The following ADGRL3 variants were observed in gnomAD, a reference collection of about 807,000 sequenced individuals.
ADGRL3 encodes calcium-independent alpha-latrotoxin receptor 3.
ADGRL3 carries 62 observed loss-of-function variants against 153.5 expected under a neutral mutation model. That is an observed-to-expected ratio of 0.40 (90% confidence interval 0.33 to 0.50). The LOEUF is 0.50. Ranked by LOEUF, ADGRL3 falls within the 20% of genes least tolerant of loss-of-function variation. The pLI is 0.47. For synonymous variants in ADGRL3, 710 were observed against 672.5 expected (o/e 1.06, Z -0.86); for missense variants, 1,641 against 1,859.4 (o/e 0.88, Z 2.16).
intron 1 of ADGRL3, among the ~76,000 whole-genome samples, chr4:61,221,092 C>T (rs1383458330): frequency 6.6e-6 from 1 of 152,140 alleles, no homozygotes; most frequent in Non-Finnish European, 1.5e-5. Context: ...CAAAGAATTA[C>T]TGTGACAGAG....
At chr4:61,827,647 G>A (rs1319803433) in intron 9 of ADGRL3, among the ~76,000 whole-genome samples, 1 of 152,112 alleles carries the variant, frequency 6.6e-6, no homozygotes, top group East Asian at 1.9e-4. Flanking sequence ...CAGTAGCAAT[G>A]GAAATAAAGA....
At chr4:61,511,462 T>C (rs906146494) in intron 3 of ADGRL3, among the ~76,000 whole-genome samples, 1 of 152,214 alleles carries the variant, frequency 6.6e-6, no homozygotes, top group Non-Finnish European at 1.5e-5. Flanking sequence ...AGGAACTTTC[T>C]CCTGCCTTTA....
In ADGRL3 at chr4:62,028,892, C is replaced by A. The variant is rs781305216; in HGVS notation, c.3422+11C>A. 1.2e-5 allele frequency: 19 copies of A among 1,603,292 alleles called. No homozygotes were observed. In the Admixed American group the frequency reaches 3.2e-4, roughly 27 times the overall value. On this transcript the variant is annotated intron_variant, in intron 22 of 26. Coordinates refer to ENST00000683033, the MANE Select transcript of ADGRL3 (RefSeq NM_001387552.1). ...CAGACCCTTCATCAAGTAAGAATGA[C>A]CTGAATGGCTGATAAATTCCGTTTA...
At chr4:61,382,666 G>T (rs1001265103) in intron 1 of ADGRL3, among the ~76,000 whole-genome samples, 2 of 151,454 alleles carry the variant, frequency 1.3e-5, no homozygotes, top group Non-Finnish European at 1.5e-5. Flanking sequence ...CATAAATAAG[G>T]GTGTGTGTAT....
chr4:61,946,793 T>C (rs980786341), intron 15 of ADGRL3, 121 bp from the exon 16 acceptor site: 2 of 767,312 alleles, frequency 2.6e-6, no homozygotes, highest in East Asian at 2.5e-5. Context: ...GGTACTTTGG[T>C]TGAAATGAAT....
chr4:61,799,611 G>T (rs1466181839), intron 8 of ADGRL3, among the ~76,000 whole-genome samples: 2 of 152,004 alleles, frequency 1.3e-5, no homozygotes, highest in Non-Finnish European at 2.9e-5. Flanking sequence ...CCCCCAAGAG[G>T]CTAACCAACT....
At chr4:61,628,674 A>T (rs2092975935) in intron 5 of ADGRL3, among the ~76,000 whole-genome samples, 1 of 152,116 alleles carries the variant, frequency 6.6e-6, no homozygotes, top group South Asian at 2.1e-4. Flanking sequence ...TGCAGAAAAG[A>T]TTACTCTTAG....
chr4:61,409,041 A>G (rs2097045285), intron 2 of ADGRL3, among the ~76,000 whole-genome samples: 1 of 151,410 alleles, frequency 6.6e-6, no homozygotes, highest in African/African-American at 2.4e-5. Flanking sequence ...ATGAGTTACA[A>G]TACTTGCATA....
chr4:62,053,155 G>A (rs1222432584), intron 25 of ADGRL3, among the ~76,000 whole-genome samples: 1 of 151,354 alleles, frequency 6.6e-6, no homozygotes, highest in African/African-American at 2.4e-5. Flanking sequence ...GAAATAGGCT[G>A]TATTAATTTC....
At chr4:61,939,588 G>A (rs1474731600) in intron 15 of ADGRL3, among the ~76,000 whole-genome samples, 2 of 151,748 alleles carry the variant, frequency 1.3e-5, no homozygotes, top group African/African-American at 4.8e-5. Flanking sequence ...TCCTGCCTCA[G>A]CCTCCTGAGT....
intron 5 of ADGRL3, among the ~76,000 whole-genome samples, chr4:61,642,879 A>G (rs2093753513): frequency 6.6e-6 from 1 of 152,154 alleles, no homozygotes; most frequent in South Asian, 2.1e-4. Context: ...TACCTTAGGC[A>G]GTATGGCCAT....
chr4:61,555,320 C>A (rs4860417), intron 4 of ADGRL3, among the ~76,000 whole-genome samples: 94,072 of 152,014 alleles, frequency 0.62, 30,908 homozygotes, highest in African/African-American at 0.85. Context: ...TTGTATAGAC[C>A]TATTTTAATT....
chr4:62,014,908 A>G (rs1417519136), intron 21 of ADGRL3, among the ~76,000 whole-genome samples: 1 of 152,110 alleles, frequency 6.6e-6, no homozygotes. Context: ...AAACAACAAT[A>G]AGGTAACAGA....
At chr4:61,808,924 A>T (rs921119407) in intron 8 of ADGRL3, among the ~76,000 whole-genome samples, 1 of 151,940 alleles carries the variant, frequency 6.6e-6, no homozygotes, top group African/African-American at 2.4e-5. Flanking sequence ...ATTGTAGTAG[A>T]GCAGAGAGAT....
At chr4:61,508,426 T>C (rs1008616865) in intron 3 of ADGRL3, among the ~76,000 whole-genome samples, 1 of 152,224 alleles carries the variant, frequency 6.6e-6, no homozygotes, top group African/African-American at 2.4e-5. Context: ...ATAAAGCTTT[T>C]GTAACATAGT....
At chr4:61,291,225 C>CACACAT (rs2094183359) in intron 1 of ADGRL3, among the ~76,000 whole-genome samples, 1 of 151,090 alleles carries the variant, frequency 6.6e-6, no homozygotes, top group South Asian at 2.1e-4. Flanking sequence ...CACGCACACA[C>CACACAT]ACACACCCCT....
Position 61,892,948 on chromosome 4 carries a change from A to G in ADGRL3, c.1773A>G (p.Ala591=), listed in dbSNP as rs371141189. ...QGQIAKQPCP[A]GTIGVSTYLC... ...AGATAGCAAAGCAGCCATGCCCTGCAGGAACTATAGGTAAGTCTGTGCTAA... is the reference window on the plus strand; with the variant it reads ...AGATAGCAAAGCAGCCATGCCCTGCGGGAACTATAGGTAAGTCTGTGCTAA... The change falls in exon 10 of 27, where the codon GCA becomes GCG. Residue 591 remains alanine, a synonymous_variant. Transcript: ENST00000683033. 1.1e-5 allele frequency: 16 copies of G among 1,523,272 alleles called. No individual in the cohort carries two copies. The African/African-American group carries it at 1.4e-4, about 13-fold the overall frequency. 94.4% of individuals were successfully genotyped at this position (1,523,272 alleles called of 1,614,324 possible). A position where few individuals can be genotyped will look rare whatever the true frequency, so the allele number is the denominator to read the frequency against.
At chr4:61,475,529 G>A (rs1450075106) in intron 2 of ADGRL3, among the ~76,000 whole-genome samples, 1 of 152,136 alleles carries the variant, frequency 6.6e-6, no homozygotes, top group Non-Finnish European at 1.5e-5. Context: ...GGTGGATTTA[G>A]GAAATGTTAG....
At chr4:61,579,603 A>T (rs559339616) in intron 4 of ADGRL3, 5 of 515,316 alleles carry the variant, frequency 9.7e-6, no homozygotes, top group Admixed American at 7.9e-5. Context: ...GATGAGGTTC[A>T]TGATGAAGCT....
Sources: gnomAD v4.1 joint callset for allele counts (sites outside exome capture counted in the v4.1 genomes callset) on GRCh38, gnomAD v4.1.1 for gene constraint, MANE v1.5 for transcripts, NCBI Gene and HGNC (gene_info 2026-07-23, HGNC 2026-07-21) for gene names.